The following POLE2 variants were observed in gnomAD, a reference collection of about 807,000 sequenced individuals.
The protein encoded by POLE2 is DNA polymerase epsilon subunit 2.
A neutral mutation model predicts 79.4 loss-of-function variants in POLE2; 56 were observed. That is an observed-to-expected ratio of 0.71 (90% CI 0.57 to 0.88). The LOEUF is 0.88. Among genes scored for constraint, POLE2 ranks in the 40% least tolerant of loss-of-function variants. The pLI is 0.00. For synonymous variants in POLE2, 212 were observed against 214.0 expected (o/e 0.99, Z 0.08); for missense variants, 598 against 638.9 (o/e 0.94, Z 0.69).
At chr14:49,649,137 C>CTTTTTT (rs374201091) in intron 17 of POLE2, among the ~76,000 whole-genome samples, 4 of 108,784 alleles carry the variant, frequency 3.7e-5, no homozygotes, top group East Asian at 2.4e-4. Context: ...ATTTCTTTCC[C>CTTTTTT]TTTTTTTTTT....
At chr14:49,665,262 G>T (rs1021905160) in intron 7 of POLE2, 99 bp from the exon 8 acceptor site, 1 of 643,110 alleles carries the variant, frequency 1.6e-6, no homozygotes, top group African/African-American at 1.9e-5. Context: ...ACAATAGGGA[G>T]AAAGTGGATT....
chr14:49,677,600 C>A lies in POLE2; in HGVS notation c.245+2125G>T. On this transcript the variant is annotated intron_variant, in intron 3 of 18. Transcript: ENST00000216367. ...GCCCTAGAGCTCTTCCCTGAGCAGT[C>A]ACTGTGTCATTGATGAACAGACTGA... 3 of 535,038 alleles carry A rather than the reference C, an allele frequency of 5.6e-6. No individual in the cohort carries two copies. The South Asian group carries it at 7.9e-5, about 14-fold the overall frequency. The allele number at this position is 535,038 out of a possible 1,614,324, so 33.1% of individuals were successfully genotyped here.
At chr14:49,663,962 G>A (rs553170866) in intron 9 of POLE2, among the ~76,000 whole-genome samples, 46 of 152,066 alleles carry the variant, frequency 3.0e-4, no homozygotes, top group African/African-American at 9.2e-4. Context: ...GTGTGAACCC[G>A]GGAGGCAGAG....
In POLE2 at chr14:49,647,312, T is replaced by C. The variant is rs759814694; in HGVS notation, c.1546A>G (p.Asn516Asp). 1.1e-5 allele frequency: 18 copies of C among 1,565,632 alleles called. No homozygotes were observed. Among genetic ancestry groups the C allele is most frequent in the Non-Finnish European group, 1.6e-5 (18 of 1,148,524 alleles). The change falls in exon 18 of 19, where the codon AAT becomes GAT. Residue 516 changes from asparagine (N) to aspartate (D), a missense_variant. Asn to Asp is a conservative substitution (Grantham distance 23). Transcript: ENST00000216367. ...GFSFKVFYPS[N>D]KTVEDSKLQG... ...ACTTACCTATCTTCTACTGTCTTATTAGAAGGATAAAAAACTTTGAATGAA... is the reference window on the plus strand; with the variant it reads ...ACTTACCTATCTTCTACTGTCTTATCAGAAGGATAAAAAACTTTGAATGAA...
At chr14:49,671,618 GA>G (rs71115391) in intron 5 of POLE2, among the ~76,000 whole-genome samples, 130 of 58,728 alleles carry the variant, frequency 2.2e-3, no homozygotes, top group African/African-American at 6.5e-3. Context: ...CTCTGCCTCA[GA>G]AAAAAAAAAA....
intron 10 of POLE2, among the ~76,000 whole-genome samples, chr14:49,657,498 C>T (rs1011758954): frequency 3.3e-5 from 5 of 150,058 alleles, no homozygotes; most frequent in African/African-American, 4.9e-5. Flanking sequence ...AGTGCTGCAG[C>T]GGTGCGATCT....
rs570675005 is a variant in POLE2, at chr14:49,654,267, A to C, written c.1074-53T>G. 1.6e-4 allele frequency: 189 copies of C among 1,184,488 alleles called. 2 individuals carry two copies. The South Asian group carries it at 2.5e-3, about 15-fold the overall frequency. The allele number at this position is 1,184,488 out of a possible 1,614,324, so 73.4% of individuals were successfully genotyped here. A position where few individuals can be genotyped will look rare whatever the true frequency, so the allele number is the denominator to read the frequency against. On this transcript the variant is annotated intron_variant, in intron 13 of 18. Transcript: ENST00000216367. ...TAAAAATATTATTGTAACACTATCC[A>C]ATAGCTTAAAAGCAAGTTATTCCCT...
In POLE2 at chr14:49,688,057, C is replaced by G. The variant is rs1052184302; in HGVS notation, c.68+79G>C. ...CCTCTCGGCGCGCGGGGAGCCGCCGCGGTGCGTCCCGCTGCCGCACCAGGC... is the reference window on the plus strand; with the variant it reads ...CCTCTCGGCGCGCGGGGAGCCGCCGGGGTGCGTCCCGCTGCCGCACCAGGC... On this transcript the variant is annotated intron_variant, in intron 1 of 18. Coordinates refer to ENST00000216367, the MANE Select transcript of POLE2 (RefSeq NM_002692.4). The G allele has an allele frequency of 3.4e-6, 4 of 1,193,612 alleles. No individual in the cohort carries two copies. In the African/African-American group the frequency reaches 6.3e-5, roughly 19 times the overall value. 73.9% of individuals were successfully genotyped at this position (1,193,612 alleles called of 1,614,324 possible).
chr14:49,677,366 G>T (rs1049005470), intron 3 of POLE2: 3 of 504,716 alleles, frequency 5.9e-6, no homozygotes, highest in South Asian at 2.3e-5. Flanking sequence ...TTCAGCTCCT[G>T]CTGGGTATCT....
At chr14:49,657,028 G>A (rs1469877288) in intron 10 of POLE2, among the ~76,000 whole-genome samples, 3 of 151,102 alleles carry the variant, frequency 2.0e-5, no homozygotes, top group Non-Finnish European at 4.4e-5. Flanking sequence ...CAGGAGAATC[G>A]CTTGAACCTA....
At chr14:49,649,603 C>G (rs1025196800) in intron 17 of POLE2, among the ~76,000 whole-genome samples, 4 of 151,914 alleles carry the variant, frequency 2.6e-5, no homozygotes, top group African/African-American at 9.7e-5. Flanking sequence ...GCGCGCACCA[C>G]CACGCCCAGC....
chr14:49,665,684 T>G (rs1281809218), intron 7 of POLE2, among the ~76,000 whole-genome samples: 8 of 151,496 alleles, frequency 5.3e-5, no homozygotes, highest in East Asian at 3.9e-4. Context: ...TGGGTTTTTT[T>G]TTTTTTTTTT....
At chr14:49,654,984 T>C (rs774599249) in intron 12 of POLE2, 21 bp downstream of exon 12, 2 of 1,482,316 alleles carry the variant, frequency 1.3e-6, no homozygotes, top group Admixed American at 2.1e-5. Context: ...AAACACTTCT[T>C]ATTAAATAGA....
intron 3 of POLE2, among the ~76,000 whole-genome samples, chr14:49,674,944 G>A (rs1200873942): frequency 6.6e-6 from 1 of 152,098 alleles, no homozygotes; most frequent in Non-Finnish European, 1.5e-5. Flanking sequence ...GGACAAGAAA[G>A]CATTGCCAAA....
intron 3 of POLE2, among the ~76,000 whole-genome samples, chr14:49,679,080 T>C (rs1886512603): frequency 6.6e-6 from 1 of 152,196 alleles, no homozygotes; most frequent in African/African-American, 2.4e-5. Flanking sequence ...AAAATAAAGA[T>C]AATGACTCCT....
At chr14:49,656,168 A>C (rs1884654187) in intron 10 of POLE2, among the ~76,000 whole-genome samples, 1 of 152,140 alleles carries the variant, frequency 6.6e-6, no homozygotes. Context: ...ATCCTGGCTA[A>C]CACAGTGAAA....
chr14:49,652,866 C>T (rs962310083), intron 15 of POLE2, among the ~76,000 whole-genome samples: 2 of 152,072 alleles, frequency 1.3e-5, no homozygotes, highest in African/African-American at 4.8e-5. Flanking sequence ...CCCCCCCTGG[C>T]GTCTGTCTCC....
At chr14:49,648,822 CAAAGT>C (rs1336846440) in intron 17 of POLE2, among the ~76,000 whole-genome samples, 2 of 152,174 alleles carry the variant, frequency 1.3e-5, no homozygotes, top group African/African-American at 4.8e-5. Context: ...TTGAGGAAAG[CAAAGT>C]AGAGACAGGC....
chr14:49,679,638 A>G (rs1336171682), intron 3 of POLE2, 87 bp downstream of exon 3: 1 of 701,896 alleles, frequency 1.4e-6, no homozygotes, highest in South Asian at 1.7e-5. Context: ...AGAAACGTTG[A>G]TCACTAATAA....
Sources: allele counts gnomAD v4.1 joint callset (sites outside exome capture counted in the v4.1 genomes callset), GRCh38; gene constraint gnomAD v4.1.1; transcripts MANE v1.5; gene names NCBI Gene and HGNC (gene_info 2026-07-23, HGNC 2026-07-21).